Variants in HLCS observed in about 807,000 individuals in gnomAD.
The protein encoded by HLCS is holocarboxylase synthetase, also known as biotin--protein ligase.
A neutral mutation model predicts 75.0 loss-of-function variants in HLCS; 53 were observed. That is an observed-to-expected ratio of 0.71 (90% confidence interval 0.57 to 0.89). The LOEUF (loss-of-function observed/expected upper bound fraction) is 0.89, where lower values mean the gene tolerates loss of function less well. HLCS is among the 40% of genes least tolerant of loss of function. The pLI is 0.00. For synonymous variants in HLCS, 431 were observed against 428.6 expected, an observed-to-expected ratio of 1.01 and a Z score of -0.07; for missense variants, 966 against 1,074.0, an observed-to-expected ratio of 0.90 and a Z score of 1.41.
intron 6 of HLCS, among the ~76,000 whole-genome samples, chr21:36,825,479 G>A (rs1479155142): frequency 6.6e-6 from 1 of 152,150 alleles, no homozygotes; most frequent in African/African-American, 2.4e-5. Context: ...GTATGTGTGT[G>A]TGTGTACACG....
intron 6 of HLCS, among the ~76,000 whole-genome samples, chr21:36,885,635 G>A (rs986520919): frequency 6.6e-6 from 1 of 152,046 alleles, no homozygotes; most frequent in African/African-American, 2.4e-5. Context: ...TGCACACAAA[G>A]TTTAAATAAT....
chr21:36,781,944 A>G lies in HLCS; in HGVS notation c.1893-14659T>C, dbSNP rs1476273601. Among the ~76,000 whole-genome samples, 6 of 152,102 alleles carry G rather than the reference A, an allele frequency of 3.9e-5. No individual in the cohort carries two copies. The East Asian group carries it at 1.2e-3, about 29-fold the overall frequency. ...TCAGTATCTATGGAAATAATCATAC[A>G]TTTTTCTTTTTTGATCTATTAACAT... On this transcript the variant is annotated intron_variant, in intron 6 of 10. Transcript: ENST00000674895.
chr21:36,928,088 T>C (rs143322231), intron 5 of HLCS, among the ~76,000 whole-genome samples: 18 of 151,996 alleles, frequency 1.2e-4, no homozygotes, highest in African/African-American at 2.9e-4. Context: ...TACTGACCCA[T>C]AGCACAGTGA....
At chr21:36,892,250 T>A (rs921413936) in intron 6 of HLCS, among the ~76,000 whole-genome samples, 2 of 152,112 alleles carry the variant, frequency 1.3e-5, no homozygotes, top group Non-Finnish European at 2.9e-5. Context: ...CCAGCATCCA[T>A]CTCCGATGTG....
chr21:36,866,219 G>T (rs2063550733), intron 6 of HLCS, among the ~76,000 whole-genome samples: 1 of 216 alleles, frequency 4.6e-3, no homozygotes, highest in Admixed American at 0.05. Flanking sequence ...GAAGGGAATG[G>T]TAAGGGAAGG....
intron 4 of HLCS, among the ~76,000 whole-genome samples, chr21:36,932,925 C>T (rs1330558112): frequency 6.6e-6 from 1 of 152,142 alleles, no homozygotes; most frequent in East Asian, 1.9e-4. Context: ...TGAGACCAGC[C>T]TGGACAACAT....
intron 6 of HLCS, among the ~76,000 whole-genome samples, chr21:36,824,830 T>C (rs1301111214): frequency 6.6e-6 from 1 of 152,146 alleles, no homozygotes; most frequent in Non-Finnish European, 1.5e-5. Flanking sequence ...GAAGTCACAT[T>C]TCCCTCCTTT....
intron 6 of HLCS, among the ~76,000 whole-genome samples, chr21:36,837,120 T>C (rs943479675): frequency 5.3e-5 from 8 of 152,100 alleles, no homozygotes; most frequent in African/African-American, 1.9e-4. Flanking sequence ...GAGGCGGAGG[T>C]TGCAGTGAGC....
chr21:36,861,700 C>G (rs2063387774), intron 6 of HLCS, among the ~76,000 whole-genome samples: 1 of 152,164 alleles, frequency 6.6e-6, no homozygotes, highest in Admixed American at 6.5e-5. Context: ...AAGAGTACCT[C>G]CCTCTTACAT....
At chr21:36,808,141 A>G (rs1012856371) in intron 6 of HLCS, among the ~76,000 whole-genome samples, 1 of 151,672 alleles carries the variant, frequency 6.6e-6, no homozygotes, top group Non-Finnish European at 1.5e-5. Flanking sequence ...GCATTTTTCT[A>G]TGTTACATGG....
chr21:36,825,028 T>C (rs1316881694), intron 6 of HLCS, among the ~76,000 whole-genome samples: 1 of 152,222 alleles, frequency 6.6e-6, no homozygotes, highest in African/African-American at 2.4e-5. Flanking sequence ...AAATGTTCAA[T>C]GTAGCTTCAG....
At chr21:36,762,975 T>C (rs1193968963) in intron 8 of HLCS, among the ~76,000 whole-genome samples, 2 of 152,248 alleles carry the variant, frequency 1.3e-5, no homozygotes, top group African/African-American at 4.8e-5. Context: ...GTTTTAGTTA[T>C]TTTCCTAAGA....
At chr21:36,957,467 C>T (rs1254937579) in intron 2 of HLCS, among the ~76,000 whole-genome samples, 1 of 152,104 alleles carries the variant, frequency 6.6e-6, no homozygotes, top group East Asian at 1.9e-4. Flanking sequence ...GCAAGAACTG[C>T]CTAATACAGT....
chr21:36,986,973 C>G (rs1481753911), intron 1 of HLCS: 1 of 152,186 alleles, frequency 6.6e-6, no homozygotes, highest in African/African-American at 2.4e-5. Flanking sequence ...CTCATGGATT[C>G]TCTTTTATTC....
upstream of HLCS, among the ~76,000 whole-genome samples, chr21:36,967,749 T>C (rs2068666609): frequency 6.6e-6 from 1 of 152,140 alleles, no homozygotes; most frequent in African/African-American, 2.4e-5. Flanking sequence ...TGAGACAGTC[T>C]CTCTCTGTCA....
Position 36,920,671 on chromosome 21 carries a change from A to T in HLCS, c.1620+9580T>A, listed in dbSNP as rs540204116. Among the ~76,000 whole-genome samples, 154 of 152,312 alleles carry T rather than the reference A, an allele frequency of 1.0e-3. 1 individual carries two copies. Among genetic ancestry groups the T allele is most frequent in the South Asian group, 4.1e-4 (2 of 4,828 alleles). ...ACTATGTACCTATTAAATTAAAATT[A>T]AAAAAAATTTTTAAAGCCGTCTACC... is the stretch of plus-strand genomic sequence containing the variant. On this transcript the variant is annotated intron_variant, in intron 5 of 10. Coordinates refer to ENST00000674895, the MANE Select transcript of HLCS (RefSeq NM_001352514.2).
intron 6 of HLCS, among the ~76,000 whole-genome samples, chr21:36,786,523 A>G (rs1040885277): frequency 6.6e-6 from 1 of 152,222 alleles, no homozygotes; most frequent in Non-Finnish European, 1.5e-5. Flanking sequence ...GAGTAAGGGA[A>G]TATCAGAGGA....
intron 10 of HLCS, 138 bp downstream of exon 10, chr21:36,756,404 T>A: frequency 1.5e-6 from 1 of 663,094 alleles, no homozygotes; most frequent in Non-Finnish European, 2.4e-6. Flanking sequence ...TGAGCCAAGA[T>A]CGTGCCACTG....
intron 6 of HLCS, among the ~76,000 whole-genome samples, chr21:36,886,654 C>T (rs2064479169): frequency 6.6e-6 from 1 of 152,138 alleles, no homozygotes; most frequent in African/African-American, 2.4e-5. Context: ...TGTTTGTGTT[C>T]CCTCCCCAAC....
Sources: allele counts gnomAD v4.1 joint callset (sites outside exome capture counted in the v4.1 genomes callset), GRCh38; gene constraint gnomAD v4.1.1; transcripts MANE v1.5; gene names NCBI Gene and HGNC (gene_info 2026-07-23, HGNC 2026-07-21).